ADAM12: variants seen among roughly 807,000 people sequenced by gnomAD.
ADAM12 encodes the protein ADAM metallopeptidase domain 12, also known as disintegrin and metalloproteinase domain-containing protein 12.
In ADAM12, 70 loss-of-function variants were observed where a neutral mutation model predicts 106.4. The ratio of observed to expected loss-of-function variants is 0.66; its 90% CI spans 0.54 to 0.80. The LOEUF (loss-of-function observed/expected upper bound fraction) is 0.80. Ranked by LOEUF, ADAM12 falls within the 30% of genes least tolerant of loss-of-function variation. ADAM12 has a pLI of 0.00. For synonymous variants in ADAM12, 420 were observed against 433.5 expected (o/e 0.97, Z 0.39); for missense variants, 1,010 against 1,171.9 (o/e 0.86, Z 2.02).
chr10:126,367,981 ACTAT>A, intron 1 of ADAM12, among the ~76,000 whole-genome samples: 1 of 152,058 alleles, frequency 6.6e-6, no homozygotes, highest in Non-Finnish European at 1.5e-5. Context: ...GAAAAATAGC[ACTAT>A]CTCTTATAAA....
chr10:126,171,665 C>G (rs113660632), intron 3 of ADAM12, among the ~76,000 whole-genome samples: 5,967 of 152,270 alleles, frequency 0.039, 347 homozygotes, highest in African/African-American at 0.13. Flanking sequence ...AACATGACTT[C>G]ACTTCTCTGG....
intron 12 of ADAM12, among the ~76,000 whole-genome samples, chr10:126,068,629 C>T (rs1307478620): frequency 2.0e-5 from 3 of 152,162 alleles, no homozygotes; most frequent in African/African-American, 7.2e-5. Context: ...AATCCAATGC[C>T]CTGTCCGGGA....
intron 21 of ADAM12, among the ~76,000 whole-genome samples, chr10:126,026,111 AAGACACACAC>A (rs1166444010): frequency 6.6e-6 from 1 of 152,212 alleles, no homozygotes; most frequent in African/African-American, 2.4e-5. Flanking sequence ...CTCATGTGCA[AAGACACACAC>A]AGGCTCAAAA....
intron 5 of ADAM12, among the ~76,000 whole-genome samples, chr10:126,119,214 G>A (rs989945605): frequency 6.6e-6 from 1 of 152,168 alleles, no homozygotes; most frequent in Non-Finnish European, 1.5e-5. Context: ...CAGTCTCAAC[G>A]CTGCAAGGGT....
chr10:126,258,437 C>A (rs1301750071), intron 3 of ADAM12, among the ~76,000 whole-genome samples: 1 of 152,194 alleles, frequency 6.6e-6, no homozygotes, highest in Non-Finnish European at 1.5e-5. Flanking sequence ...GTGTAATGGT[C>A]TCCCAGTGGC....
intron 1 of ADAM12, among the ~76,000 whole-genome samples, chr10:126,386,863 T>G (rs1196545088): frequency 6.6e-6 from 1 of 152,154 alleles, no homozygotes; most frequent in Non-Finnish European, 1.5e-5. Flanking sequence ...GGTCGTAGAG[T>G]TCTTTAAACC....
intron 11 of ADAM12, among the ~76,000 whole-genome samples, chr10:126,084,456 T>C (rs1035863399): frequency 6.6e-6 from 1 of 152,142 alleles, no homozygotes; most frequent in Non-Finnish European, 1.5e-5. Flanking sequence ...CTCGTAGACA[T>C]GGACAGATGC....
intron 8 of ADAM12, among the ~76,000 whole-genome samples, chr10:126,102,839 G>A (rs868592910): frequency 6.6e-6 from 1 of 152,194 alleles, no homozygotes; most frequent in Non-Finnish European, 1.5e-5. Flanking sequence ...GGCCGGCTCT[G>A]GAACTCTGAA....
At chr10:126,263,959 G>C (rs1024140519) in intron 3 of ADAM12, among the ~76,000 whole-genome samples, 5 of 152,174 alleles carry the variant, frequency 3.3e-5, no homozygotes, top group Non-Finnish European at 7.4e-5. Flanking sequence ...GTAAGATAAT[G>C]AATTTGCTCC....
chr10:126,339,854 T>C (rs1198586496), intron 1 of ADAM12, among the ~76,000 whole-genome samples: 2 of 141,084 alleles, frequency 1.4e-5, no homozygotes, highest in Admixed American at 7.0e-5. Flanking sequence ...GGGCTTTTTT[T>C]TTTTTTTTTT....
chr10:126,330,084 GTTAA>G (rs1383616862), intron 2 of ADAM12, among the ~76,000 whole-genome samples: 1 of 152,170 alleles, frequency 6.6e-6, no homozygotes, highest in Non-Finnish European at 1.5e-5. Flanking sequence ...GGAAATCAAT[GTTAA>G]TTAAATAGAC....
In ADAM12 at chr10:126,382,243, T is replaced by C. The variant is rs377631425; in HGVS notation, c.88+5815A>G. On this transcript the variant is annotated intron_variant, in intron 1 of 22. Coordinates refer to ENST00000448723, the MANE Select transcript of ADAM12 (RefSeq NM_001288973.2). ...GCTGAAAACCTGTATAAGGAGAAGATAGAGCCCTAGATCCCCTGCAAAGCC... is the reference window on the plus strand; with the variant it reads ...GCTGAAAACCTGTATAAGGAGAAGACAGAGCCCTAGATCCCCTGCAAAGCC... 1.1e-4 allele frequency among the ~76,000 whole-genome samples: 17 copies of C among 152,144 alleles called. No homozygotes were observed. In the East Asian group the frequency reaches 1.6e-3, roughly 14 times the overall value.
At chr10:126,099,688 G>A (rs1167305958) in intron 9 of ADAM12, among the ~76,000 whole-genome samples, 1 of 152,186 alleles carries the variant, frequency 6.6e-6, no homozygotes, top group Non-Finnish European at 1.5e-5. Context: ...TAGGGGCAGG[G>A]GGGAACCCTG....
At position 126,345,998 on chromosome 10, in the gene ADAM12, T is replaced by G. The variant is rs553127497; in HGVS notation, c.89-15489A>C. ...CCTGGATTCATTGATTTTTTGAAGG[T>G]TTTTTTGTGTCTCTGTCTCCTTCAG... is the stretch of plus-strand genomic sequence containing the variant. On this transcript the variant is annotated intron_variant, in intron 1 of 22. Transcript: ENST00000448723. 1.3e-3 allele frequency among the ~76,000 whole-genome samples: 195 copies of G among 152,194 alleles called. 7 individuals carry two copies. The South Asian group carries it at 0.039, about 31-fold the overall frequency.
chr10:126,113,688 ATATATATATATATAT>A (rs1198018799), intron 6 of ADAM12, among the ~76,000 whole-genome samples: 42 of 10,142 alleles, frequency 4.1e-3, no homozygotes, highest in South Asian at 5.6e-3. Flanking sequence ...AAAAAAAAAA[ATATATATATATATAT>A]ATATATATAT....
intron 4 of ADAM12, among the ~76,000 whole-genome samples, chr10:126,154,782 C>T (rs542264392): frequency 2.6e-5 from 4 of 152,250 alleles, no homozygotes; most frequent in African/African-American, 9.6e-5. Flanking sequence ...GTAACACCCA[C>T]GATATAGAAT....
At chr10:126,180,713 C>T (rs1214160374) in intron 3 of ADAM12, among the ~76,000 whole-genome samples, 1 of 152,138 alleles carries the variant, frequency 6.6e-6, no homozygotes, top group Non-Finnish European at 1.5e-5. Context: ...GTTATCGATC[C>T]TTTTCCCTCT....
chr10:126,383,025 G>T (rs921218195), intron 1 of ADAM12, among the ~76,000 whole-genome samples: 1 of 152,170 alleles, frequency 6.6e-6, no homozygotes, highest in Non-Finnish European at 1.5e-5. Flanking sequence ...GTTCCCTGCA[G>T]CCTTGACCTC....
rs531732453 is a variant in ADAM12, at chr10:126,340,738, G to T, written c.89-10229C>A. 1.2e-4 allele frequency among the ~76,000 whole-genome samples: 17 copies of T among 140,758 alleles called. 1 individual carries two copies. Among genetic ancestry groups the T allele is most frequent in the Non-Finnish European group, 1.9e-4 (12 of 64,814 alleles). 92.3% of individuals were successfully genotyped at this position (140,758 alleles called of 152,430 possible). On this transcript the variant is annotated intron_variant, in intron 1 of 22. Transcript: ENST00000448723. ...GTGGCCTGTTTTTTTTTTTTTTTGA[G>T]GTGGAGTCTCACTCTGTTGCCAAGG...
Sources: allele counts gnomAD v4.1 joint callset (sites outside exome capture counted in the v4.1 genomes callset), GRCh38; gene constraint gnomAD v4.1.1; transcripts MANE v1.5; gene names NCBI Gene and HGNC (gene_info 2026-07-23, HGNC 2026-07-21).